CNOT6L: variants seen among roughly 807,000 people sequenced by gnomAD.
CNOT6L encodes CCR4-NOT transcription complex subunit 6 like.
A neutral mutation model predicts 64.0 loss-of-function variants in CNOT6L; 7 were observed. The ratio of observed to expected loss-of-function variants is 0.11; its 90% CI spans 0.06 to 0.21. CNOT6L has a LOEUF of 0.21. Ranked by LOEUF, CNOT6L falls within the 10% of genes least tolerant of loss-of-function variation. The probability of loss-of-function intolerance (pLI) is 1.00; values close to 1 mark genes in which losing one functional copy is unlikely to be tolerated. For missense variants in CNOT6L, 245 were observed against 669.0 expected, an observed-to-expected ratio of 0.37 and a Z score of 6.99; for synonymous variants, 193 against 243.4, an observed-to-expected ratio of 0.79 and a Z score of 1.93.
chr4:77,757,541 T>C (rs1172826452), intron 4 of CNOT6L, among the ~76,000 whole-genome samples: 1 of 152,112 alleles, frequency 6.6e-6, no homozygotes, highest in Non-Finnish European at 1.5e-5. Context: ...TAACAGACTA[T>C]ATAGTCCCTT....
chr4:77,799,013 T>G (rs1489122371), intron 1 of CNOT6L, among the ~76,000 whole-genome samples: 1 of 152,056 alleles, frequency 6.6e-6, no homozygotes, highest in African/African-American at 2.4e-5. Flanking sequence ...GCAGCTACCA[T>G]ATGACCCAGA....
chr4:77,725,161 T>C lies in CNOT6L; in HGVS notation c.1455+1006A>G, dbSNP rs192189130. Among the ~76,000 whole-genome samples, 5 of 152,352 alleles carry C rather than the reference T, an allele frequency of 3.3e-5. No individual in the cohort carries two copies. In the East Asian group the frequency reaches 9.6e-4, roughly 29 times the overall value. Reference sequence around the variant, plus strand: ...AGATTCAATTTCTAAGCAATTTTTTTTCTCTTCATGATTATGAAAGCTGAT... The same window carrying C: ...AGATTCAATTTCTAAGCAATTTTTTCTCTCTTCATGATTATGAAAGCTGAT... On this transcript the variant is annotated intron_variant, in intron 11 of 11. Coordinates refer to ENST00000504123, the MANE Select transcript of CNOT6L (RefSeq NM_144571.3).
chr4:77,787,104 A>G (rs1409248346), intron 1 of CNOT6L, among the ~76,000 whole-genome samples: 1 of 150,760 alleles, frequency 6.6e-6, no homozygotes, highest in Admixed American at 6.6e-5. Context: ...CGTCTCTATT[A>G]AAAATACAAA....
At chr4:77,800,527 A>G (rs1368967094) in intron 1 of CNOT6L, among the ~76,000 whole-genome samples, 1 of 152,208 alleles carries the variant, frequency 6.6e-6, no homozygotes, top group Non-Finnish European at 1.5e-5. Flanking sequence ...AAAAAATTAA[A>G]AAAAATAAAG....
chr4:77,818,677 G>A lies in CNOT6L; in HGVS notation c.5+627C>T, dbSNP rs557410318. ...AAGCCTTCGCCTCTCAGGAGACGCG[G>A]AGGCGGCCACGGCGACGGCAATCGG... On this transcript the variant is annotated intron_variant, in intron 1 of 11. Coordinates refer to ENST00000504123, the MANE Select transcript of CNOT6L (RefSeq NM_144571.3). 4.6e-5 allele frequency among the ~76,000 whole-genome samples: 7 copies of A among 152,238 alleles called. No homozygotes were observed. In the East Asian group the frequency reaches 1.4e-3, roughly 30 times the overall value.
chr4:77,819,055 C>CACACACACACAA, intron 1 of CNOT6L: 1 of 673,544 alleles, frequency 1.5e-6, no homozygotes, highest in South Asian at 1.7e-5. Flanking sequence ...CCCCGACACA[C>CACACACACACAA]ACACACACAC....
At chr4:77,732,075 CA>C (rs1005387113) in intron 8 of CNOT6L, among the ~76,000 whole-genome samples, 3 of 152,102 alleles carry the variant, frequency 2.0e-5, no homozygotes, top group African/African-American at 7.2e-5. Context: ...CAACAAAATA[CA>C]GGGGCACACC....
At chr4:77,721,315 T>G (rs1232413954) in intron 11 of CNOT6L, among the ~76,000 whole-genome samples, 1 of 152,190 alleles carries the variant, frequency 6.6e-6, no homozygotes, top group Admixed American at 6.5e-5. Context: ...AGCAGTTTTA[T>G]CTGTCAGAGC....
chr4:77,779,476 C>T (rs529386419), intron 1 of CNOT6L, among the ~76,000 whole-genome samples: 9 of 152,084 alleles, frequency 5.9e-5, no homozygotes, highest in Non-Finnish European at 8.8e-5. Flanking sequence ...TTATATAGAA[C>T]TAGATTTCTA....
chr4:77,721,187 T>C (rs911698418), intron 11 of CNOT6L, among the ~76,000 whole-genome samples: 2 of 152,240 alleles, frequency 1.3e-5, no homozygotes, highest in African/African-American at 4.8e-5. Flanking sequence ...CACAGTTAAC[T>C]ATTCTATTCT....
chr4:77,765,228 AG>A (rs1726690174), intron 4 of CNOT6L, among the ~76,000 whole-genome samples: 2 of 152,314 alleles, frequency 1.3e-5, no homozygotes, highest in African/African-American at 4.8e-5. Flanking sequence ...GAAAAAGGGG[AG>A]GCATGAAAAA....
intron 4 of CNOT6L, among the ~76,000 whole-genome samples, chr4:77,772,022 C>A (rs1367771791): frequency 6.6e-6 from 1 of 152,096 alleles, no homozygotes; most frequent in Non-Finnish European, 1.5e-5. Flanking sequence ...ATTGAGTATG[C>A]CTTTCATCCC....
At chr4:77,731,357 TTTAG>T in intron 9 of CNOT6L, 26 bp downstream of exon 9, 1 of 1,596,434 alleles carries the variant, frequency 6.3e-7, no homozygotes, top group Non-Finnish European at 8.5e-7. Flanking sequence ...GGTGTTTATT[TTTAG>T]TAAGAATATT....
intron 4 of CNOT6L, among the ~76,000 whole-genome samples, chr4:77,767,872 A>G (rs1407894349): frequency 6.6e-6 from 1 of 151,388 alleles, no homozygotes; most frequent in African/African-American, 2.4e-5. Flanking sequence ...CCAGCTACTC[A>G]GGAAGCTGAG....
At chr4:77,816,505 C>T (rs913155327) in intron 1 of CNOT6L, among the ~76,000 whole-genome samples, 2 of 152,076 alleles carry the variant, frequency 1.3e-5, no homozygotes, top group Non-Finnish European at 2.9e-5. Context: ...AATTTGCATT[C>T]TAATAGTTGC....
At chr4:77,802,855 T>G (rs1431934703) in intron 1 of CNOT6L, among the ~76,000 whole-genome samples, 2 of 152,280 alleles carry the variant, frequency 1.3e-5, no homozygotes, top group East Asian at 1.9e-4. Context: ...AAAACCAAGC[T>G]TCTACTAAAT....
intron 1 of CNOT6L, among the ~76,000 whole-genome samples, chr4:77,807,188 G>C (rs937355104): frequency 2.0e-5 from 3 of 150,234 alleles, no homozygotes; most frequent in African/African-American, 7.4e-5. Flanking sequence ...TGAGGCAGGA[G>C]AATCGCTTGA....
At chr4:77,727,562 CAAAAAAAAAAAAAAAAAA>C (rs55848621) in intron 10 of CNOT6L, among the ~76,000 whole-genome samples, 4 of 84,588 alleles carry the variant, frequency 4.7e-5, no homozygotes, top group Admixed American at 1.4e-4. Flanking sequence ...AACTCTGTCT[CAAAAAAAAAAAAAAAAAA>C]AAAAAAAAAA....
intron 8 of CNOT6L, among the ~76,000 whole-genome samples, chr4:77,738,771 A>AAAAT (rs1723255438): frequency 6.6e-6 from 1 of 151,026 alleles, no homozygotes; most frequent in Non-Finnish European, 1.5e-5. Context: ...AAAAAAAAAA[A>AAAAT]TGTATTTACA....
Sources: gnomAD v4.1 joint callset for allele counts (sites outside exome capture counted in the v4.1 genomes callset) on GRCh38, gnomAD v4.1.1 for gene constraint, MANE v1.5 for transcripts, NCBI Gene and HGNC (gene_info 2026-07-23, HGNC 2026-07-21) for gene names.